Variants in NAV2 observed in about 807,000 individuals in gnomAD.
NAV2 encodes the protein neuron navigator 2, also known as helicase, APC down-regulated 1.
NAV2 carries 54 observed loss-of-function variants against 223.2 expected under a neutral mutation model. That is an observed-to-expected ratio of 0.24 (90% CI 0.19 to 0.30). The LOEUF (loss-of-function observed/expected upper bound fraction) is 0.30, where lower values mean the gene tolerates loss of function less well. Ranked by LOEUF, NAV2 falls within the 10% of genes least tolerant of loss-of-function variation. The pLI is 1.00. For missense variants in NAV2, 2,806 were observed against 3,147.5 expected (o/e 0.89, Z 2.60); for synonymous variants, 1,279 against 1,239.3 (o/e 1.03, Z -0.67).
chr11:19,581,371 G>GT (rs899199316), intron 1 of NAV2, among the ~76,000 whole-genome samples: 14 of 151,822 alleles, frequency 9.2e-5, no homozygotes, highest in South Asian at 2.1e-4. Context: ...TAAATTTAAG[G>GT]TTTTTTTTAT....
At chr11:19,545,318 T>C (rs2134578990) in intron 1 of NAV2, among the ~76,000 whole-genome samples, 1 of 152,368 alleles carries the variant, frequency 6.6e-6, no homozygotes, top group East Asian at 1.9e-4. Context: ...GAATTATTCA[T>C]GACATGTGTG....
chr11:19,656,665 C>T (rs779475092), intron 1 of NAV2, among the ~76,000 whole-genome samples: 1 of 152,072 alleles, frequency 6.6e-6, no homozygotes, highest in Admixed American at 6.5e-5. Context: ...GCCTGGGGAC[C>T]CAGCCACACC....
chr11:20,105,923 C>G (rs550512429), intron 35 of NAV2, among the ~76,000 whole-genome samples, 196 bp downstream of exon 35: 1 of 149,068 alleles, frequency 6.7e-6, no homozygotes, highest in East Asian at 2.0e-4. Context: ...AGAGATGTGT[C>G]CAGCCTGGCC....
At chr11:19,752,986 T>C (rs139010121) in intron 1 of NAV2, among the ~76,000 whole-genome samples, 1 of 152,164 alleles carries the variant, frequency 6.6e-6, no homozygotes, top group East Asian at 1.9e-4. Context: ...ATTATTGCTC[T>C]TATAAGGAGA....
intron 1 of NAV2, among the ~76,000 whole-genome samples, chr11:19,728,087 G>A (rs921676790): frequency 6.6e-6 from 1 of 152,188 alleles, no homozygotes; most frequent in African/African-American, 2.4e-5. Context: ...GCACCAAGAA[G>A]GTTTCTGTGT....
rs545475804 is a variant in NAV2, at chr11:19,878,226, A to G, written c.512-1643A>G. ...CATTCTCAGAAGCGTCATAGTTAGC[A>G]CAATAGGTTAAAAGGTCACCATAGT... On this transcript the variant is annotated intron_variant, in intron 4 of 37. Coordinates refer to ENST00000349880, the MANE Select transcript of NAV2 (RefSeq NM_145117.5). 1.1e-4 allele frequency among the ~76,000 whole-genome samples: 16 copies of G among 152,366 alleles called. 1 individual carries two copies. Among genetic ancestry groups the G allele is most frequent in the African/African-American group, 3.4e-4 (14 of 41,574 alleles).
chr11:19,707,058 G>A (rs1190723504), intron 1 of NAV2, among the ~76,000 whole-genome samples: 1 of 152,192 alleles, frequency 6.6e-6, no homozygotes, highest in Non-Finnish European at 1.5e-5. Flanking sequence ...GGTATACTTG[G>A]ATAGGGCATT....
chr11:19,732,016 A>C (rs1176910447), intron 1 of NAV2, among the ~76,000 whole-genome samples: 3 of 152,168 alleles, frequency 2.0e-5, no homozygotes, highest in African/African-American at 7.2e-5. Context: ...TGGGAGGCTG[A>C]GGTGAGTAGA....
chr11:19,459,896 G>A (rs1032194), intron 1 of NAV2, among the ~76,000 whole-genome samples: 54,808 of 152,042 alleles, frequency 0.36, 10,373 homozygotes, highest in African/African-American at 0.48. Flanking sequence ...TACTGCAGGA[G>A]CAGTTAGGGT....
intron 1 of NAV2, among the ~76,000 whole-genome samples, chr11:19,662,803 C>A (rs925856383): frequency 6.6e-6 from 1 of 152,242 alleles, no homozygotes; most frequent in Non-Finnish European, 1.5e-5. Flanking sequence ...GCCAGGTAGC[C>A]TTTTGGCTAC....
chr11:19,564,227 A>G (rs2045192890), intron 1 of NAV2, among the ~76,000 whole-genome samples: 1 of 152,212 alleles, frequency 6.6e-6, no homozygotes, highest in Admixed American at 6.5e-5. Flanking sequence ...TTCAGGGCAT[A>G]GCGCTGGTGA....
At chr11:19,865,127 A>G (rs757365898) in intron 3 of NAV2, among the ~76,000 whole-genome samples, 148 of 152,180 alleles carry the variant, frequency 9.7e-4, no homozygotes, top group Non-Finnish European at 1.8e-3. Context: ...GTTTGGTCTT[A>G]TTTACATACT....
chr11:19,857,547 G>A (rs1477366815), intron 3 of NAV2, among the ~76,000 whole-genome samples: 1 of 152,176 alleles, frequency 6.6e-6, no homozygotes, highest in Non-Finnish European at 1.5e-5. Flanking sequence ...TATTTTCAAG[G>A]AATGAATGAG....
At chr11:19,354,335 G>A (rs1277010504) in intron 1 of NAV2, among the ~76,000 whole-genome samples, 3 of 152,212 alleles carry the variant, frequency 2.0e-5, no homozygotes, top group Non-Finnish European at 2.9e-5. Flanking sequence ...ATCTGGCTAC[G>A]GAGCACTTGA....
intron 26 of NAV2, among the ~76,000 whole-genome samples, chr11:20,087,412 C>T (rs2060526549): frequency 6.6e-6 from 1 of 152,138 alleles, no homozygotes; most frequent in South Asian, 2.1e-4. Flanking sequence ...TGTTTCCAAC[C>T]TCGAAGGGTT....
intron 1 of NAV2, among the ~76,000 whole-genome samples, chr11:19,351,871 C>T (rs886155377): frequency 4.7e-5 from 7 of 147,558 alleles, no homozygotes; most frequent in African/African-American, 1.7e-4. Context: ...GGGTATCCCT[C>T]TCCTCCTGAG....
At chr11:19,715,978 T>C (rs1372219392) in intron 1 of NAV2, among the ~76,000 whole-genome samples, 4 of 152,176 alleles carry the variant, frequency 2.6e-5, no homozygotes, top group African/African-American at 9.7e-5. Context: ...ACAGCTGACA[T>C]CAAAGTGATT....
intron 32 of NAV2, among the ~76,000 whole-genome samples, chr11:20,101,651 G>A (rs1329335741): frequency 6.6e-6 from 1 of 152,156 alleles, no homozygotes; most frequent in Non-Finnish European, 1.5e-5. Context: ...GAGGCTTGAA[G>A]CAGATTGGTC....
At chr11:19,827,141 G>A (rs1421675643) in intron 1 of NAV2, among the ~76,000 whole-genome samples, 1 of 152,158 alleles carries the variant, frequency 6.6e-6, no homozygotes, top group Admixed American at 6.5e-5. Context: ...TCAGAGAGAG[G>A]GAAGTGTGGG....
Sources: allele counts gnomAD v4.1 joint callset (sites outside exome capture counted in the v4.1 genomes callset), GRCh38; gene constraint gnomAD v4.1.1; transcripts MANE v1.5; gene names NCBI Gene and HGNC (gene_info 2026-07-23, HGNC 2026-07-21).